Variants in HMGCLL1 observed in about 807,000 individuals in gnomAD.
HMGCLL1 encodes the protein 3-hydroxy-3-methylglutaryl-CoA lyase like 1.
Under a neutral mutation model 39.1 loss-of-function variants are expected in HMGCLL1, and 36 were observed. The ratio of observed to expected loss-of-function variants is 0.92; its 90% CI spans 0.71 to 1.22. The LOEUF is 1.22. Ranked by LOEUF, HMGCLL1 falls within the 50% of genes most tolerant of loss-of-function variation. The probability of loss-of-function intolerance (pLI) is 0.00; values close to 1 mark genes in which losing one functional copy is unlikely to be tolerated. For missense variants in HMGCLL1, 451 were observed against 416.5 expected (o/e 1.08, Z -0.72); for synonymous variants, 149 against 144.0 (o/e 1.03, Z -0.25).
At chr6:55,477,938 G>T (rs1202074247) in intron 7 of HMGCLL1, among the ~76,000 whole-genome samples, 1 of 150,894 alleles carries the variant, frequency 6.6e-6, no homozygotes, top group East Asian at 1.9e-4. Context: ...AAACAGAGTC[G>T]ATTCTGTATT....
chr6:55,578,888 G>T (rs2127481121), intron 1 of HMGCLL1, 60 bp downstream of exon 1: 1 of 1,255,906 alleles, frequency 8.0e-7, no homozygotes, highest in East Asian at 2.5e-5. Flanking sequence ...GTTGCAGGGA[G>T]AGAGGCTGGC....
At chr6:55,520,447 G>C (rs2127441098) in intron 3 of HMGCLL1, among the ~76,000 whole-genome samples, 1 of 151,704 alleles carries the variant, frequency 6.6e-6, no homozygotes, top group South Asian at 2.1e-4. Context: ...AATATAATGA[G>C]GCCATTCAAG....
intron 7 of HMGCLL1, among the ~76,000 whole-genome samples, chr6:55,441,620 T>A (rs1368177075): frequency 6.6e-6 from 1 of 152,126 alleles, no homozygotes; most frequent in Non-Finnish European, 1.5e-5. Flanking sequence ...TAGTCAGGTA[T>A]CCTTAGCCTC....
chr6:55,588,554 A>C, the HMGCLL1 span, among the ~76,000 whole-genome samples: 2 of 151,990 alleles, frequency 1.3e-5, no homozygotes, highest in Non-Finnish European at 2.9e-5. Context: ...TAACAAAGAT[A>C]AGAGCAGAAC....
At chr6:55,491,746 C>T (rs1766321271) in intron 7 of HMGCLL1, among the ~76,000 whole-genome samples, 1 of 151,974 alleles carries the variant, frequency 6.6e-6, no homozygotes, top group African/African-American at 2.4e-5. Flanking sequence ...CCGTTTCTTC[C>T]GTTACTAAAA....
At chr6:55,499,037 G>A (rs932415322) in intron 6 of HMGCLL1, among the ~76,000 whole-genome samples, 199 bp downstream of exon 6, 3 of 152,050 alleles carry the variant, frequency 2.0e-5, no homozygotes, top group African/African-American at 7.2e-5. Flanking sequence ...GTCCCTTAAC[G>A]TTGAAAAGTT....
chr6:55,594,280 C>G, the HMGCLL1 span, among the ~76,000 whole-genome samples: 1 of 152,272 alleles, frequency 6.6e-6, no homozygotes, highest in African/African-American at 2.4e-5. Context: ...CCCATGTCAT[C>G]ACATTATCTA....
chr6:55,522,866 A>T (rs142462960), intron 3 of HMGCLL1, among the ~76,000 whole-genome samples: 1,576 of 152,140 alleles, frequency 0.01, 15 homozygotes, highest in Non-Finnish European at 0.017. Flanking sequence ...AGAAAATTTA[A>T]CTGTGTGATG....
At chr6:55,672,739 A>G in the HMGCLL1 span, among the ~76,000 whole-genome samples, 1 of 152,102 alleles carries the variant, frequency 6.6e-6, no homozygotes, top group East Asian at 1.9e-4. Flanking sequence ...ATACTATAAT[A>G]ATATATAGAA....
At chr6:55,528,987 G>A (rs1374363662) in intron 3 of HMGCLL1, among the ~76,000 whole-genome samples, 3 of 152,094 alleles carry the variant, frequency 2.0e-5, no homozygotes, top group Non-Finnish European at 4.4e-5. Flanking sequence ...AAATGGATCT[G>A]TGAGTTATAA....
At chr6:55,571,821 AT>A (rs1771514553) in intron 1 of HMGCLL1, among the ~76,000 whole-genome samples, 1 of 152,162 alleles carries the variant, frequency 6.6e-6, no homozygotes, top group South Asian at 2.1e-4. Flanking sequence ...AAAATAAAAA[AT>A]AAAAAATAAT....
intron 3 of HMGCLL1, among the ~76,000 whole-genome samples, chr6:55,540,758 C>A (rs888028941): frequency 6.6e-6 from 1 of 152,186 alleles, no homozygotes; most frequent in Middle Eastern, 3.4e-3. Context: ...TTGATTTTAA[C>A]CCAGTGAGAT....
At chr6:55,636,452 T>C in the HMGCLL1 span, among the ~76,000 whole-genome samples, 1 of 152,138 alleles carries the variant, frequency 6.6e-6, no homozygotes, top group African/African-American at 2.4e-5. Context: ...TCACTCAAAT[T>C]TCCATATGTC....
At chr6:55,590,222 A>C in the HMGCLL1 span, among the ~76,000 whole-genome samples, 1 of 152,152 alleles carries the variant, frequency 6.6e-6, no homozygotes, top group Non-Finnish European at 1.5e-5. Context: ...CCAATGGAAC[A>C]GAACAGAGCC....
intron 8 of HMGCLL1, among the ~76,000 whole-genome samples, chr6:55,436,067 A>G (rs1011892033): frequency 6.6e-6 from 1 of 151,964 alleles, no homozygotes; most frequent in Non-Finnish European, 1.5e-5. Context: ...ACAATAATGG[A>G]ACTAGAAAAG....
chr6:55,627,675 A>G, the HMGCLL1 span, among the ~76,000 whole-genome samples: 1 of 149,248 alleles, frequency 6.7e-6, no homozygotes, highest in African/African-American at 2.5e-5. Context: ...CAGGGAATAT[A>G]AAGCAGGCAG....
the HMGCLL1 span, among the ~76,000 whole-genome samples, chr6:55,626,709 A>G: frequency 6.6e-6 from 1 of 152,064 alleles, no homozygotes; most frequent in Non-Finnish European, 1.5e-5. Flanking sequence ...TTCCAGAGAC[A>G]GGAACATTGC....
chr6:55,451,987 G>GAA (rs372073004), intron 7 of HMGCLL1, among the ~76,000 whole-genome samples: 3 of 152,020 alleles, frequency 2.0e-5, no homozygotes, highest in African/African-American at 7.3e-5. Flanking sequence ...ATAATACCTA[G>GAA]AACATAATAA....
At chr6:55,502,453 T>A (rs1468299133) in intron 5 of HMGCLL1, among the ~76,000 whole-genome samples, 1 of 151,816 alleles carries the variant, frequency 6.6e-6, no homozygotes, top group Non-Finnish European at 1.5e-5. Context: ...CTCTGTTTAC[T>A]CCATATGGAA....
Sources: gnomAD v4.1 joint callset for allele counts (sites outside exome capture counted in the v4.1 genomes callset) on GRCh38, gnomAD v4.1.1 for gene constraint, MANE v1.5 for transcripts, NCBI Gene and HGNC (gene_info 2026-07-23, HGNC 2026-07-21) for gene names.